The following FAF2 variants were observed in gnomAD, a reference collection of about 807,000 sequenced individuals.
FAF2 encodes the protein Fas associated factor family member 2.
Under a neutral mutation model 62.3 loss-of-function variants are expected in FAF2, and 9 were observed. The observed-to-expected ratio is 0.14, with a 90% confidence interval of 0.09 to 0.25. FAF2 has a LOEUF of 0.25. FAF2 is among the 10% of genes least tolerant of loss of function. The pLI is 1.00. For synonymous variants in FAF2, 202 were observed against 198.0 expected (o/e 1.02, Z -0.17); for missense variants, 368 against 556.2 (o/e 0.66, Z 3.40).
chr5:176,481,337 C>T (rs1051230486), intron 2 of FAF2, among the ~76,000 whole-genome samples: 1 of 152,158 alleles, frequency 6.6e-6, no homozygotes, highest in Non-Finnish European at 1.5e-5. Context: ...TGAGCCACCA[C>T]ACCTGGCCTT....
At chr5:176,493,908 A>G in intron 5 of FAF2, 91 bp from the exon 6 acceptor site, 1 of 837,942 alleles carries the variant, frequency 1.2e-6, no homozygotes, top group South Asian at 1.8e-5. Context: ...TTTGTTCCTA[A>G]ATACATAACT....
intron 3 of FAF2, 79 bp downstream of exon 3, chr5:176,486,568 C>T: frequency 3.5e-6 from 5 of 1,423,900 alleles, no homozygotes; most frequent in East Asian, 2.3e-5. Flanking sequence ...CTCCCTGTGA[C>T]AGGAGCAAAA....
intron 1 of FAF2, among the ~76,000 whole-genome samples, chr5:176,459,749 G>T (rs1758343050): frequency 6.6e-6 from 1 of 152,080 alleles, no homozygotes; most frequent in South Asian, 2.1e-4. Context: ...CATTTTAGAT[G>T]AGGGGGTACA....
At position 176,486,439 on chromosome 5, in the gene FAF2, A is replaced by G; in HGVS notation, c.217A>G (p.Thr73Ala). ...TCCATCACGACCCCTGCAGGTTAAT[A>G]CAGCTGACCACAGGATCTACAGCTA... ...PPPSRPLQVNTADHRIYSYVV... is the reference protein window; with the variant it reads ...PPPSRPLQVNAADHRIYSYVV... Residue 73 changes from threonine (T) to alanine (A), a missense_variant, in exon 3 of 11, where the codon ACA becomes GCA. Transcript: ENST00000261942. 3 of 1,614,208 alleles carry G rather than the reference A, an allele frequency of 1.9e-6. No individual in the cohort carries two copies. The highest frequency in any genetic ancestry group is 2.5e-6 in the Non-Finnish European group (3 of 1,180,006).
rs376144239 is a variant in FAF2, at chr5:176,496,704, G to A, written c.839+41G>A. 78 of 1,441,614 alleles carry A rather than the reference G, an allele frequency of 5.4e-5. No homozygotes were observed. In the East Asian group the frequency reaches 1.0e-3, roughly 18 times the overall value. The allele number at this position is 1,441,614 out of a possible 1,614,324, so 89.3% of individuals were successfully genotyped here. Reference sequence around the variant, plus strand: ...CTTCTGGAACAGAGAGAGACCAGTTGTAAATTTGGAGGGCTGACCTCTGGG... The same window carrying A: ...CTTCTGGAACAGAGAGAGACCAGTTATAAATTTGGAGGGCTGACCTCTGGG... On this transcript the variant is annotated intron_variant, in intron 8 of 10. Transcript: ENST00000261942.
chr5:176,459,995 G>C (rs1758349406), intron 1 of FAF2, among the ~76,000 whole-genome samples: 1 of 152,016 alleles, frequency 6.6e-6, no homozygotes, highest in Non-Finnish European at 1.5e-5. Flanking sequence ...TTGGTTTTTT[G>C]GTTCTGCATT....
rs150069831 is a variant in FAF2, at chr5:176,490,305, C to T, written c.344+1278C>T. Among the ~76,000 whole-genome samples the T allele has an allele frequency of 6.8e-3, 929 of 136,638 alleles. 12 individuals are homozygous for T. Among genetic ancestry groups the T allele is most frequent in the African/African-American group, 0.024 (888 of 37,254 alleles). The allele number at this position is 136,638 out of a possible 152,430, so 89.6% of individuals were successfully genotyped here. ...CAGCCTGGGTGAGAGAGTGGGACTCCGTCTCAAAAAAAAAAAAAAGAAAAA... is the reference window on the plus strand; with the variant it reads ...CAGCCTGGGTGAGAGAGTGGGACTCTGTCTCAAAAAAAAAAAAAAGAAAAA... On this transcript the variant is annotated intron_variant, in intron 4 of 10. Transcript: ENST00000261942.
In FAF2 at chr5:176,508,649, C is replaced by T. The variant is rs573998989; in HGVS notation, c.*1699C>T. On this transcript the variant is annotated 3_prime_UTR_variant, in exon 11 of 11. Transcript: ENST00000261942. ...ACACCATCTCTAGGAAAATTTAATT[C>T]TGTCCCTGGCCAGCTATTGTTCTTC... The T allele has an allele frequency of 6.6e-6, 1 of 152,204 alleles. No individual in the cohort carries two copies. Among genetic ancestry groups the T allele is most frequent in the Non-Finnish European group, 1.5e-5 (1 of 68,046 alleles). 9.4% of individuals were successfully genotyped at this position (152,204 alleles called of 1,614,324 possible).
intron 1 of FAF2, among the ~76,000 whole-genome samples, chr5:176,473,700 G>C (rs1289703172): frequency 6.6e-6 from 1 of 152,182 alleles, no homozygotes; most frequent in African/African-American, 2.4e-5. Context: ...TTTATATCAT[G>C]CGTATTTATT....
chr5:176,480,262 G>C (rs912504975), intron 2 of FAF2, among the ~76,000 whole-genome samples: 1 of 149,914 alleles, frequency 6.7e-6, no homozygotes, highest in Non-Finnish European at 1.5e-5. Context: ...TTTTAAAAGG[G>C]TGCTGGATTC....
At chr5:176,504,832 G>C (rs1367565877) in intron 10 of FAF2, among the ~76,000 whole-genome samples, 5 of 151,860 alleles carry the variant, frequency 3.3e-5, no homozygotes, top group Non-Finnish European at 5.9e-5. Flanking sequence ...CCCTGAAGAG[G>C]GCAACATGGC....
At chr5:176,489,862 C>A (rs1377565864) in intron 4 of FAF2, among the ~76,000 whole-genome samples, 4 of 151,988 alleles carry the variant, frequency 2.6e-5, no homozygotes, top group Admixed American at 6.6e-5. Flanking sequence ...GGTACCTTTT[C>A]ACTTTGCTCT....
At position 176,473,914 on chromosome 5, in the gene FAF2, T is replaced by G. The variant is rs143839997; in HGVS notation, c.64-5274T>G. On this transcript the variant is annotated intron_variant, in intron 1 of 10. Coordinates refer to ENST00000261942, the MANE Select transcript of FAF2 (RefSeq NM_014613.3). ...CCACCACTCCCAGCCTCCTTTATCC[T>G]TTTGACCACAAGATTCTCTAGGCAC... Among the ~76,000 whole-genome samples the G allele has an allele frequency of 1.6e-4, 25 of 152,320 alleles. No homozygotes were observed. In the East Asian group the frequency reaches 4.8e-3, roughly 29 times the overall value.
At chr5:176,468,624 A>G (rs1374043411) in intron 1 of FAF2, among the ~76,000 whole-genome samples, 1 of 151,934 alleles carries the variant, frequency 6.6e-6, no homozygotes, top group African/African-American at 2.4e-5. Flanking sequence ...TCCTCAAAAG[A>G]AAGTTCCTTT....
intron 10 of FAF2, among the ~76,000 whole-genome samples, chr5:176,504,490 A>C (rs1561830002): frequency 6.6e-6 from 1 of 152,000 alleles, no homozygotes. Context: ...AGGCTGAGGC[A>C]GGAAAATCGC....
In FAF2 at chr5:176,508,644, T is replaced by G. The variant is rs1417044352; in HGVS notation, c.*1694T>G. 6.6e-6 allele frequency: 1 copy of G among 152,206 alleles called. No individual in the cohort carries two copies. The highest frequency in any genetic ancestry group is 1.9e-4 in the East Asian group (1 of 5,200). 9.4% of individuals were successfully genotyped at this position (152,206 alleles called of 1,614,324 possible). ...CTAGAACACCATCTCTAGGAAAATT[T>G]AATTCTGTCCCTGGCCAGCTATTGT... On this transcript the variant is annotated 3_prime_UTR_variant, in exon 11 of 11. Transcript: ENST00000261942.
chr5:176,484,347 A>G (rs952135424), intron 2 of FAF2, among the ~76,000 whole-genome samples: 1 of 152,174 alleles, frequency 6.6e-6, no homozygotes, highest in African/African-American at 2.4e-5. Flanking sequence ...GAGAAACATG[A>G]TGAAATCTCA....
At chr5:176,463,950 G>A (rs1293089648) in intron 1 of FAF2, among the ~76,000 whole-genome samples, 1 of 151,938 alleles carries the variant, frequency 6.6e-6, no homozygotes, top group Admixed American at 6.6e-5. Flanking sequence ...GGCTGGTCTC[G>A]AACTCCTGAC....
chr5:176,478,003 T>C (rs555211654), intron 1 of FAF2, among the ~76,000 whole-genome samples: 46 of 152,316 alleles, frequency 3.0e-4, no homozygotes, highest in African/African-American at 1.1e-3. Flanking sequence ...GTTAGTGCTG[T>C]ACAGAATAGG....
Sources: gnomAD v4.1 joint callset for allele counts (sites outside exome capture counted in the v4.1 genomes callset) on GRCh38, gnomAD v4.1.1 for gene constraint, MANE v1.5 for transcripts, NCBI Gene and HGNC (gene_info 2026-07-23, HGNC 2026-07-21) for gene names.